GCSAML: variants seen among roughly 807,000 people sequenced by gnomAD.
The protein encoded by GCSAML is germinal center-associated signaling and motility-like protein.
A neutral mutation model predicts 13.0 loss-of-function variants in GCSAML; 9 were observed. The ratio of observed to expected loss-of-function variants is 0.69; its 90% CI spans 0.42 to 1.21. The LOEUF is 1.21. Ranked by LOEUF, GCSAML falls within the 50% of genes most tolerant of loss-of-function variation. The pLI is 0.00. For missense variants in GCSAML, 143 were observed against 153.4 expected, an observed-to-expected ratio of 0.93 and a Z score of 0.36; for synonymous variants, 37 against 52.9, an observed-to-expected ratio of 0.70 and a Z score of 1.31.
intron 2 of GCSAML, chr1:247,531,698 C>G: frequency 6.2e-7 from 1 of 1,614,148 alleles, no homozygotes; most frequent in Non-Finnish European, 8.5e-7. Context: ...ATGAACTTGC[C>G]CTGCTCATGG....
At chr1:247,539,199 T>C (rs1007064663) in intron 2 of GCSAML, among the ~76,000 whole-genome samples, 6 of 152,238 alleles carry the variant, frequency 3.9e-5, no homozygotes, top group South Asian at 2.1e-4. Context: ...GTCCAAGGTG[T>C]AGGAAAATGT....
chr1:247,556,054 C>T (rs568033037), intron 1 of GCSAML, among the ~76,000 whole-genome samples: 1 of 152,274 alleles, frequency 6.6e-6, no homozygotes, highest in African/African-American at 2.4e-5. Flanking sequence ...ATCATCTTGC[C>T]TCAGGTTGTT....
upstream of GCSAML, among the ~76,000 whole-genome samples, chr1:247,545,873 A>ATC (rs1005154416): frequency 2.6e-5 from 4 of 152,210 alleles, no homozygotes; most frequent in Admixed American, 2.6e-4. Context: ...ACAGCATAGT[A>ATC]TCTCTAGTTA....
At chr1:247,509,981 T>C (rs1352792815) in intron 1 of GCSAML, among the ~76,000 whole-genome samples, 1 of 152,250 alleles carries the variant, frequency 6.6e-6, no homozygotes, top group Non-Finnish European at 1.5e-5. Flanking sequence ...GTTGTGTCTC[T>C]GTGAGGTTAT....
chr1:247,558,205 G>A (rs1297967239), intron 2 of GCSAML, among the ~76,000 whole-genome samples: 1 of 152,218 alleles, frequency 6.6e-6, no homozygotes, highest in East Asian at 1.9e-4. Flanking sequence ...AGTCAAATAT[G>A]TGTTGCATGT....
rs192980481 is a variant in GCSAML at position 247,568,093 on chromosome 1, G to A, written c.168+2134G>A. ...ATATTAGCTCTTTGTCAGATGGATA[G>A]ATTGCAAAATTTTTCTCCCATTCTG... On this transcript the variant is annotated intron_variant, in intron 4 of 4. Transcript: ENST00000366488. Among the ~76,000 whole-genome samples, 5 of 152,242 alleles carry A rather than the reference G, an allele frequency of 3.3e-5. No homozygotes were observed. In the East Asian group the frequency reaches 9.7e-4, roughly 29 times the overall value.
At chr1:247,512,455 T>C (rs1269430814) in intron 1 of GCSAML, among the ~76,000 whole-genome samples, 1 of 152,062 alleles carries the variant, frequency 6.6e-6, no homozygotes, top group Non-Finnish European at 1.5e-5. Flanking sequence ...GGTTAGAACA[T>C]GCTCCTTTAG....
chr1:247,532,418 C>G (rs773598629), intron 2 of GCSAML: 16 of 1,613,962 alleles, frequency 9.9e-6, no homozygotes, highest in African/African-American at 1.3e-5. Context: ...AAACTCAAGA[C>G]AACTATGAAG....
intron 1 of GCSAML, among the ~76,000 whole-genome samples, chr1:247,550,862 A>G (rs1025469505): frequency 2.2e-4 from 33 of 152,204 alleles, no homozygotes; most frequent in African/African-American, 8.0e-4. Context: ...GGTCGCAAGA[A>G]AAAATTAAAC....
At chr1:247,572,928 G>A (rs113332903) in intron 4 of GCSAML, among the ~76,000 whole-genome samples, 9,287 of 152,244 alleles carry the variant, frequency 0.061, 334 homozygotes, top group African/African-American at 0.066. Flanking sequence ...GTTGGAGTGG[G>A]CTCAGTCCAG....
upstream of GCSAML, among the ~76,000 whole-genome samples, chr1:247,546,774 G>A (rs896798244): frequency 6.6e-6 from 1 of 151,958 alleles, no homozygotes; most frequent in African/African-American, 2.4e-5. Context: ...CACAAAGCAA[G>A]GATGATAAAT....
chr1:247,566,068 C>T (rs1668343484), intron 4 of GCSAML, 109 bp downstream of exon 4: 1 of 677,600 alleles, frequency 1.5e-6, no homozygotes, highest in South Asian at 2.5e-5. Flanking sequence ...ATCTGTCTTC[C>T]TTTATTTGTA....
Position 247,565,063 on chromosome 1 carries a change from C to T in GCSAML, c.140-868C>T, listed in dbSNP as rs551515497. 1.4e-4 allele frequency among the ~76,000 whole-genome samples: 21 copies of T among 152,196 alleles called. 1 individual carries two copies. In the South Asian group the frequency reaches 4.1e-3, roughly 30 times the overall value. ...ATTTCTGCACAGCAAAAATAACTAACAAGAGTGAACAGACGGCTGGGCCCA... is the reference window on the plus strand; with the variant it reads ...ATTTCTGCACAGCAAAAATAACTAATAAGAGTGAACAGACGGCTGGGCCCA... On this transcript the variant is annotated intron_variant, in intron 3 of 4. Transcript: ENST00000366488.
In GCSAML at chr1:247,575,660, A is replaced by AT. The variant is rs1342823225; in HGVS notation, c.*1284dup. On this transcript the variant is annotated 3_prime_UTR_variant, in exon 5 of 5. Transcript: ENST00000366488. ...TGAAATGAAGCATATATAATTGTCA[A>AT]TTTTTTCAATTTTCTAGCCAACAGA... 6.6e-6 allele frequency: 1 copy of AT among 152,120 alleles called. No homozygotes were observed. Among genetic ancestry groups the AT allele is most frequent in the African/African-American group, 2.4e-5 (1 of 41,438 alleles). 9.4% of individuals were successfully genotyped at this position (152,120 alleles called of 1,614,324 possible). A position where few individuals can be genotyped will look rare whatever the true frequency, so the allele number is the denominator to read the frequency against.
intron 2 of GCSAML, chr1:247,529,547 A>C (rs1274225045): frequency 2.6e-5 from 4 of 152,144 alleles, no homozygotes; most frequent in Non-Finnish European, 4.4e-5. Flanking sequence ...CCAGAAACCA[A>C]CAAGACATGA....
intron 1 of GCSAML, among the ~76,000 whole-genome samples, chr1:247,522,663 T>C (rs957102905): frequency 1.3e-5 from 2 of 152,198 alleles, no homozygotes; most frequent in African/African-American, 4.8e-5. Flanking sequence ...CAGGGTTAAA[T>C]GGATTAAGGG....
rs1451166457 is a variant in GCSAML, at chr1:247,577,533, G to A, written c.*3151G>A. 1 of 152,138 alleles carries A rather than the reference G, an allele frequency of 6.6e-6. No homozygotes were observed. Among genetic ancestry groups the A allele is most frequent in the Non-Finnish European group, 1.5e-5 (1 of 68,020 alleles). 9.4% of individuals were successfully genotyped at this position (152,138 alleles called of 1,614,324 possible). Reference sequence around the variant, plus strand: ...TTTTTGAGATTCATCTATGTTTAATGTTCTATCAGTAGTTGTACATCTTAC... The same window carrying A: ...TTTTTGAGATTCATCTATGTTTAATATTCTATCAGTAGTTGTACATCTTAC... On this transcript the variant is annotated 3_prime_UTR_variant, in exon 5 of 5. Transcript: ENST00000366488.
At chr1:247,513,987 G>A (rs955012916) in intron 1 of GCSAML, among the ~76,000 whole-genome samples, 3 of 151,666 alleles carry the variant, frequency 2.0e-5, no homozygotes, top group African/African-American at 4.8e-5. Context: ...CCCCCCCACC[G>A]CCTTTTTTTT....
chr1:247,517,464 T>C (rs758302682), intron 1 of GCSAML, among the ~76,000 whole-genome samples: 33 of 152,238 alleles, frequency 2.2e-4, no homozygotes, highest in Non-Finnish European at 4.0e-4. Flanking sequence ...TAATTGAAGC[T>C]ATTGTTCCAC....
Sources: allele counts gnomAD v4.1 joint callset (sites outside exome capture counted in the v4.1 genomes callset), GRCh38; gene constraint gnomAD v4.1.1; transcripts MANE v1.5; gene names NCBI Gene and HGNC (gene_info 2026-07-23, HGNC 2026-07-21).